The following PRDM16 variants were observed in gnomAD, a reference collection of about 807,000 sequenced individuals.
PRDM16 encodes the protein histone-lysine N-methyltransferase PRDM16.
A neutral mutation model predicts 110.6 loss-of-function variants in PRDM16; 23 were observed. That is an observed-to-expected ratio of 0.21 (90% CI 0.15 to 0.29). The LOEUF (loss-of-function observed/expected upper bound fraction) is 0.29. Ranked by LOEUF, PRDM16 falls within the 10% of genes least tolerant of loss-of-function variation. PRDM16 has a pLI of 1.00. For synonymous variants in PRDM16, 799 were observed against 781.8 expected (o/e 1.02, Z -0.37); for missense variants, 1,615 against 1,794.3 (o/e 0.90, Z 1.81).
chr1:3,361,999 G>A (rs1249029494), intron 3 of PRDM16, among the ~76,000 whole-genome samples: 4 of 152,108 alleles, frequency 2.6e-5, no homozygotes, highest in Non-Finnish European at 4.4e-5. Context: ...AGAAGTGACC[G>A]TGGCCCAGGA....
intron 3 of PRDM16, among the ~76,000 whole-genome samples, chr1:3,381,129 G>A (rs987723071): frequency 8.5e-5 from 13 of 152,182 alleles, no homozygotes; most frequent in South Asian, 2.1e-4. Context: ...GCTTCTCGCC[G>A]CGTTCCCCCA....
At chr1:3,259,555 G>A (rs1640118193) in intron 3 of PRDM16, among the ~76,000 whole-genome samples, 1 of 152,184 alleles carries the variant, frequency 6.6e-6, no homozygotes, top group South Asian at 2.1e-4. Context: ...CACCACCCAA[G>A]GCCACATAGG....
intron 3 of PRDM16, among the ~76,000 whole-genome samples, chr1:3,247,895 T>G (rs540117203): frequency 1.8e-3 from 273 of 152,348 alleles, no homozygotes; most frequent in African/African-American, 6.0e-3. Flanking sequence ...CTCTATTTAG[T>G]CTCTGTTTAC....
At chr1:3,391,455 C>T (rs1454572947) in intron 4 of PRDM16, among the ~76,000 whole-genome samples, 1 of 152,220 alleles carries the variant, frequency 6.6e-6, no homozygotes, top group African/African-American at 2.4e-5. Flanking sequence ...TCGTTACAGG[C>T]TCACTTTACT....
In PRDM16 at chr1:3,201,478, T is replaced by C. The variant is rs1024296200; in HGVS notation, c.387+15004T>C. On this transcript the variant is annotated intron_variant, in intron 2 of 16. Transcript: ENST00000270722. The surrounding 1 kb of genome is among the most constrained non-coding windows in gnomAD (Gnocchi z 4.1). ...GCTCCCACCGCAGGGCCCAGCCTCCTGCTCACTGGGATATTCCCTCATGAG... is the reference window on the plus strand; with the variant it reads ...GCTCCCACCGCAGGGCCCAGCCTCCCGCTCACTGGGATATTCCCTCATGAG... Among the ~76,000 whole-genome samples, 2 of 152,174 alleles carry C rather than the reference T, an allele frequency of 1.3e-5. No homozygotes were observed. Among genetic ancestry groups the C allele is most frequent in the Admixed American group, 1.3e-4 (2 of 15,286 alleles).
chr1:3,427,749 C>T (rs1370325273), intron 14 of PRDM16, among the ~76,000 whole-genome samples: 5 of 152,204 alleles, frequency 3.3e-5, no homozygotes, highest in South Asian at 4.1e-4. Context: ...GAGGAAGGGG[C>T]GGGGGGAGAA....
intron 11 of PRDM16, among the ~76,000 whole-genome samples, chr1:3,418,379 G>A (rs1423487689): frequency 1.3e-5 from 2 of 152,328 alleles, no homozygotes; most frequent in East Asian, 1.9e-4. Flanking sequence ...TGCTGGTGCA[G>A]GCCTGTCCAA....
intron 3 of PRDM16, among the ~76,000 whole-genome samples, chr1:3,375,056 A>C (rs1026087542): frequency 1.3e-5 from 2 of 152,232 alleles, no homozygotes; most frequent in African/African-American, 4.8e-5. Flanking sequence ...ATGTAGCCAC[A>C]GCCTCCAAGC....
chr1:3,107,540 C>T (rs1259390111), intron 1 of PRDM16, among the ~76,000 whole-genome samples: 5 of 152,340 alleles, frequency 3.3e-5, no homozygotes, highest in African/African-American at 4.8e-5. Flanking sequence ...ATCTCCTTAC[C>T]GCCATCCTCA....
intron 10 of PRDM16, among the ~76,000 whole-genome samples, chr1:3,415,933 C>T (rs989619876): frequency 4.6e-5 from 7 of 152,234 alleles, no homozygotes; most frequent in East Asian, 1.9e-4. Context: ...CCTGCTGCTC[C>T]GGGCTGCGGA....
chr1:3,306,623 AC>A, intron 3 of PRDM16: 1 of 152,262 alleles, frequency 6.6e-6, no homozygotes, highest in South Asian at 2.1e-4. Flanking sequence ...AAAAATAGAA[AC>A]CCTGAAAAAT....
intron 3 of PRDM16, among the ~76,000 whole-genome samples, chr1:3,329,369 C>T (rs966267319): frequency 1.3e-5 from 2 of 152,184 alleles, no homozygotes; most frequent in African/African-American, 4.8e-5. Context: ...CCACCACCCC[C>T]CACCCCTTCC....
At chr1:3,191,138 T>C (rs1157000091) in intron 2 of PRDM16, among the ~76,000 whole-genome samples, 2 of 152,252 alleles carry the variant, frequency 1.3e-5, no homozygotes, top group East Asian at 3.8e-4. Flanking sequence ...ATCAGAACGC[T>C]GATGAGTAAG....
chr1:3,155,632 G>A (rs961199110), intron 1 of PRDM16, among the ~76,000 whole-genome samples: 2 of 152,268 alleles, frequency 1.3e-5, no homozygotes, highest in Admixed American at 6.5e-5. Context: ...CGCCGGCCTC[G>A]CCTTCCCCGC....
chr1:3,187,100 C>T (rs929911355), intron 2 of PRDM16, among the ~76,000 whole-genome samples: 33 of 152,204 alleles, frequency 2.2e-4, no homozygotes, highest in Non-Finnish European at 1.2e-4. Flanking sequence ...GGAGAGAGGG[C>T]GTCCCTGGGA....
At chr1:3,070,448 C>A (rs959077025) in intron 1 of PRDM16, among the ~76,000 whole-genome samples, 8 of 148,646 alleles carry the variant, frequency 5.4e-5, no homozygotes, top group Non-Finnish European at 9.0e-5. Context: ...CCCGCAGCCC[C>A]GCCGAAGCCC....
intron 1 of PRDM16, among the ~76,000 whole-genome samples, chr1:3,146,414 T>A (rs1643653631): frequency 6.6e-6 from 1 of 152,286 alleles, no homozygotes; most frequent in Non-Finnish European, 1.5e-5. Context: ...TGCCTTGCCA[T>A]CCGTTGTCAA....
intron 1 of PRDM16, among the ~76,000 whole-genome samples, chr1:3,114,407 C>G (rs1642892677): frequency 9.5e-6 from 1 of 105,402 alleles, no homozygotes; most frequent in Non-Finnish European, 2.0e-5. Flanking sequence ...CGCGCACACA[C>G]ACGCACACAC....
At position 3,209,074 on chromosome 1, in the gene PRDM16, G is replaced by A. The variant is rs1158433348; in HGVS notation, c.387+22600G>A. On this transcript the variant is annotated intron_variant, in intron 2 of 16. Transcript: ENST00000270722. This position sits in a 1 kb window ranked among gnomAD's most constrained non-coding sequence, Gnocchi z 4.6. ...AGAGAGCAGTGGGAATTCAGAAGGA[G>A]CTCAGAAGGGAATGCCCTGTGCCAA... Among the ~76,000 whole-genome samples the A allele has an allele frequency of 2.6e-5, 4 of 152,200 alleles. No individual in the cohort carries two copies. Among genetic ancestry groups the A allele is most frequent in the African/African-American group, 9.7e-5 (4 of 41,444 alleles).
Sources: gnomAD v4.1 joint callset for allele counts (sites outside exome capture counted in the v4.1 genomes callset) on GRCh38, gnomAD v4.1.1 for gene constraint, Gnocchi (gnomAD v3.1) non-coding constraint, MANE v1.5 for transcripts, NCBI Gene and HGNC (gene_info 2026-07-23, HGNC 2026-07-21) for gene names.